Variants in RALGPS1 observed in about 807,000 individuals in gnomAD.
RALGPS1 encodes ras-specific guanine nucleotide-releasing factor RalGPS1.
A neutral mutation model predicts 78.8 loss-of-function variants in RALGPS1; 19 were observed. The observed-to-expected ratio is 0.24, with a 90% CI of 0.17 to 0.35. The LOEUF (loss-of-function observed/expected upper bound fraction) is 0.35, where lower values mean the gene tolerates loss of function less well. Among genes scored for constraint, RALGPS1 ranks in the 10% least tolerant of loss-of-function variants. The pLI is 1.00. For synonymous variants in RALGPS1, 228 were observed against 256.3 expected (o/e 0.89, Z 1.06); for missense variants, 454 against 688.3 (o/e 0.66, Z 3.81).
At chr9:126,966,058 C>A (rs987004972) in intron 3 of RALGPS1, 107 bp downstream of exon 3, 3 of 744,444 alleles carry the variant, frequency 4.0e-6, no homozygotes, top group African/African-American at 1.7e-5. Flanking sequence ...ATATGCCCAG[C>A]AAGAGGGGAG....
Position 127,095,396 on chromosome 9 carries a change from C to T in RALGPS1, c.610+26040C>T, listed in dbSNP as rs557707236. 3.9e-5 allele frequency among the ~76,000 whole-genome samples: 6 copies of T among 152,332 alleles called. No homozygotes were observed. The East Asian group carries it at 1.2e-3, about 29-fold the overall frequency. On this transcript the variant is annotated intron_variant, in intron 8 of 18. Transcript: ENST00000259351. ...CTGAGTGGCAGAGCAAGACAAGACT[C>T]CGTCTCAAAAAAATAAATAAATAAA...
chr9:127,121,672 C>T (rs1200297935), intron 8 of RALGPS1, among the ~76,000 whole-genome samples: 1 of 152,232 alleles, frequency 6.6e-6, no homozygotes, highest in Middle Eastern at 3.2e-3. Context: ...CCGCATCCTC[C>T]CTGTATCTTG....
chr9:127,024,841 C>G (rs1223510036), intron 4 of RALGPS1, among the ~76,000 whole-genome samples: 2 of 152,308 alleles, frequency 1.3e-5, no homozygotes, highest in Non-Finnish European at 2.9e-5. Flanking sequence ...GTTTTCCAGT[C>G]TTTTGCGCAG....
At chr9:126,953,617 T>C (rs756899483) in intron 1 of RALGPS1, among the ~76,000 whole-genome samples, 4 of 152,174 alleles carry the variant, frequency 2.6e-5, no homozygotes, top group Non-Finnish European at 5.9e-5. Flanking sequence ...ATCTGTAAAA[T>C]GGGTCTTAAT....
At chr9:127,026,607 G>GT (rs1427683023) in intron 4 of RALGPS1, among the ~76,000 whole-genome samples, 1 of 152,188 alleles carries the variant, frequency 6.6e-6, no homozygotes, top group African/African-American at 2.4e-5. Flanking sequence ...CGTTAGAGGG[G>GT]TTTTTTCTAA....
intron 8 of RALGPS1, among the ~76,000 whole-genome samples, chr9:127,160,587 A>G (rs1409281465): frequency 1.3e-5 from 2 of 152,156 alleles, no homozygotes; most frequent in Non-Finnish European, 2.9e-5. Flanking sequence ...GGGCATAGCC[A>G]TGGGGCAGAT....
At chr9:127,164,534 C>CTTTTTTTT (rs1160251459) in intron 8 of RALGPS1, among the ~76,000 whole-genome samples, 1 of 62,766 alleles carries the variant, frequency 1.6e-5, no homozygotes, top group Non-Finnish European at 2.7e-5. Context: ...CATGCCTGGC[C>CTTTTTTTT]TTTTTTTTTT....
intron 1 of RALGPS1, among the ~76,000 whole-genome samples, chr9:126,941,862 T>C (rs2036824767): frequency 6.6e-6 from 1 of 152,242 alleles, no homozygotes; most frequent in Admixed American, 6.5e-5. Flanking sequence ...TTTTCCTGGC[T>C]TTTTTGTAGC....
At chr9:127,035,692 C>A (rs528924254) in intron 5 of RALGPS1, among the ~76,000 whole-genome samples, 1 of 152,230 alleles carries the variant, frequency 6.6e-6, no homozygotes, top group South Asian at 2.1e-4. Flanking sequence ...CAGCGGGATC[C>A]TCAGAAAGGC....
At chr9:127,111,507 G>T (rs1564601763) in intron 8 of RALGPS1, among the ~76,000 whole-genome samples, 1 of 152,228 alleles carries the variant, frequency 6.6e-6, no homozygotes, top group Non-Finnish European at 1.5e-5. Context: ...CTGCTGAGCA[G>T]CTGGGAGTGC....
At position 126,995,390 on chromosome 9, in the gene RALGPS1, C is replaced by G. The variant is rs1179560852; in HGVS notation, c.216+17645C>G. 4.7e-3 allele frequency among the ~76,000 whole-genome samples: 718 copies of G among 152,118 alleles called. 8 individuals are homozygous for G. The highest frequency in any genetic ancestry group is 0.017 in the African/African-American group (685 of 41,476). ...GGCAAGGGTTGCAATCCTAGTCTCT[C>G]ATAAAACAGACTTTAAACCAACAAA... On this transcript the variant is annotated intron_variant, in intron 4 of 18. Coordinates refer to ENST00000259351, the MANE Select transcript of RALGPS1 (RefSeq NM_014636.3).
chr9:127,078,792 G>A (rs188858124), intron 8 of RALGPS1, among the ~76,000 whole-genome samples: 260 of 152,288 alleles, frequency 1.7e-3, no homozygotes, highest in African/African-American at 5.2e-3. Flanking sequence ...ATACTCATTA[G>A]GATGACTATT....
At chr9:127,156,769 T>A (rs138457848) in intron 8 of RALGPS1, among the ~76,000 whole-genome samples, 3 of 152,258 alleles carry the variant, frequency 2.0e-5, no homozygotes, top group African/African-American at 7.2e-5. Context: ...CTTTTTTTAA[T>A]GGTTTTGGGT....
chr9:126,963,349 ATGTG>A (rs984771486), intron 2 of RALGPS1, among the ~76,000 whole-genome samples: 1 of 151,656 alleles, frequency 6.6e-6, no homozygotes, highest in Non-Finnish European at 1.5e-5. Context: ...ATATATGTAT[ATGTG>A]TGTGTGTGTG....
chr9:127,021,975 T>A (rs1173584133), intron 4 of RALGPS1, among the ~76,000 whole-genome samples: 2 of 152,092 alleles, frequency 1.3e-5, no homozygotes, highest in African/African-American at 4.8e-5. Context: ...TTCCTGACCC[T>A]AAGTCTGTAT....
chr9:127,192,144 A>G (rs1205118028), intron 11 of RALGPS1, among the ~76,000 whole-genome samples: 2 of 152,220 alleles, frequency 1.3e-5, no homozygotes, highest in Non-Finnish European at 2.9e-5. Context: ...AGATTTTAGA[A>G]GATCAGACTG....
intron 7 of RALGPS1, among the ~76,000 whole-genome samples, chr9:127,057,379 C>A (rs939333002): frequency 6.6e-6 from 1 of 152,176 alleles, no homozygotes; most frequent in Non-Finnish European, 1.5e-5. Flanking sequence ...GGGAGGATAC[C>A]TGCCACTTGG....
In RALGPS1 at chr9:127,133,112, G is replaced by A. The variant is rs146462779; in HGVS notation, c.611-32957G>A. Among the ~76,000 whole-genome samples, 45 of 152,368 alleles carry A rather than the reference G, an allele frequency of 3.0e-4. No homozygotes were observed. The East Asian group carries it at 5.0e-3, about 17-fold the overall frequency. On this transcript the variant is annotated intron_variant, in intron 8 of 18. Coordinates refer to ENST00000259351, the MANE Select transcript of RALGPS1 (RefSeq NM_014636.3). ...GTGCATGACTGCATGGCTGGCACATGGTAAGCGTTAACTCTTTCCCCACCA... is the reference window on the plus strand; with the variant it reads ...GTGCATGACTGCATGGCTGGCACATAGTAAGCGTTAACTCTTTCCCCACCA...
intron 8 of RALGPS1, among the ~76,000 whole-genome samples, chr9:127,084,215 C>A (rs1401773192): frequency 6.6e-6 from 1 of 152,190 alleles, no homozygotes; most frequent in East Asian, 1.9e-4. Flanking sequence ...AGCCACAGCA[C>A]CTGGCTGACA....
Sources: allele counts gnomAD v4.1 joint callset (sites outside exome capture counted in the v4.1 genomes callset), GRCh38; gene constraint gnomAD v4.1.1; transcripts MANE v1.5; gene names NCBI Gene and HGNC (gene_info 2026-07-23, HGNC 2026-07-21).